Variants in TMEM39B observed in about 807,000 individuals in gnomAD.
TMEM39B encodes the protein transmembrane protein 39B.
TMEM39B carries 23 observed loss-of-function variants against 52.2 expected under a neutral mutation model. The observed-to-expected ratio is 0.44, with a 90% CI of 0.32 to 0.62. The LOEUF (loss-of-function observed/expected upper bound fraction) is 0.62, where lower values mean the gene tolerates loss of function less well. Ranked by LOEUF, TMEM39B falls within the 20% of genes least tolerant of loss-of-function variation. The pLI is 0.06. For synonymous variants in TMEM39B, 285 were observed against 264.0 expected, an observed-to-expected ratio of 1.08 and a Z score of -0.77; for missense variants, 547 against 642.0, an observed-to-expected ratio of 0.85 and a Z score of 1.60.
At chr1:32,100,025 C>T (rs1197089445) in intron 7 of TMEM39B, among the ~76,000 whole-genome samples, 3 of 151,358 alleles carry the variant, frequency 2.0e-5, no homozygotes, top group East Asian at 1.9e-4. Flanking sequence ...CCAGTCTGGG[C>T]GACAAGATCG....
chr1:32,077,461 C>T, intron 5 of TMEM39B, 143 bp downstream of exon 5: 1 of 1,081,448 alleles, frequency 9.2e-7, no homozygotes, highest in Non-Finnish European at 1.3e-6. Flanking sequence ...ATGACACTCA[C>T]TCACTGAGGT....
At chr1:32,082,129 G>C (rs1466343874) in intron 5 of TMEM39B, among the ~76,000 whole-genome samples, 1 of 151,726 alleles carries the variant, frequency 6.6e-6, no homozygotes, top group African/African-American at 2.4e-5. Flanking sequence ...ATCAACAATA[G>C]TATCTTGAAT....
chr1:32,093,905 G>A (rs1640707757), intron 6 of TMEM39B, among the ~76,000 whole-genome samples: 1 of 151,668 alleles, frequency 6.6e-6, no homozygotes, highest in Non-Finnish European at 1.5e-5. Context: ...TGCAAGCTCC[G>A]CCTCCCGGGT....
upstream of TMEM39B, chr1:32,072,032 T>C (rs1160145533): frequency 1.3e-5 from 2 of 152,270 alleles, no homozygotes; most frequent in African/African-American, 4.8e-5. Context: ...CTTCACACCA[T>C]TCCCATCTAA....
intron 5 of TMEM39B, among the ~76,000 whole-genome samples, chr1:32,090,145 T>C (rs1002025383): frequency 6.6e-6 from 1 of 152,014 alleles, no homozygotes; most frequent in African/African-American, 2.4e-5. Flanking sequence ...GGCCCCAAGC[T>C]GAAAAAGGGA....
At chr1:32,073,619 T>G in intron 1 of TMEM39B, 1 of 987,536 alleles carries the variant, frequency 1.0e-6, no homozygotes. Flanking sequence ...GGGCAGAGCT[T>G]CTGGACTGGA....
At chr1:32,093,844 A>T (rs1640705486) in intron 6 of TMEM39B, among the ~76,000 whole-genome samples, 1 of 145,658 alleles carries the variant, frequency 6.9e-6, no homozygotes, top group African/African-American at 2.5e-5. Flanking sequence ...TTTGAGACAG[A>T]GTCTCGCTCT....
intron 5 of TMEM39B, among the ~76,000 whole-genome samples, chr1:32,081,008 C>A (rs1472123882): frequency 6.6e-6 from 1 of 151,772 alleles, no homozygotes; most frequent in African/African-American, 2.4e-5. Context: ...TCAGCGTGGA[C>A]AACAGAGTGA....
chr1:32,081,137 G>C (rs1369550462), intron 5 of TMEM39B, among the ~76,000 whole-genome samples: 1 of 151,946 alleles, frequency 6.6e-6, no homozygotes, highest in Non-Finnish European at 1.5e-5. Context: ...CCCGCCTCCA[G>C]ATTTTTAGTC....
chr1:32,074,676 T>C (rs1347745505), intron 1 of TMEM39B, among the ~76,000 whole-genome samples: 2 of 151,994 alleles, frequency 1.3e-5, no homozygotes, highest in African/African-American at 2.4e-5. Context: ...GCTTTCCAGA[T>C]AGGATATTAT....
intron 7 of TMEM39B, among the ~76,000 whole-genome samples, chr1:32,097,613 G>A (rs764231735): frequency 1.2e-4 from 18 of 151,880 alleles, no homozygotes; most frequent in Non-Finnish European, 8.8e-5. Context: ...GATTATAGGC[G>A]TGAGCTGTTG....
chr1:32,099,250 C>T (rs1640928271), intron 7 of TMEM39B, among the ~76,000 whole-genome samples: 1 of 149,506 alleles, frequency 6.7e-6, no homozygotes, highest in South Asian at 2.1e-4. Flanking sequence ...AAAAAACACT[C>T]ATAGGTTGGA....
chr1:32,082,523 C>T (rs1487409763), intron 5 of TMEM39B, among the ~76,000 whole-genome samples: 1 of 151,914 alleles, frequency 6.6e-6, no homozygotes, highest in Non-Finnish European at 1.5e-5. Context: ...GTCACAATCT[C>T]AGCTCACTGC....
intron 1 of TMEM39B, chr1:32,073,818 A>G (rs1639740472): frequency 2.0e-6 from 2 of 985,266 alleles, no homozygotes; most frequent in Non-Finnish European, 2.4e-6. Context: ...TTCCGAGCTG[A>G]GATGCTACGG....
intron 5 of TMEM39B, among the ~76,000 whole-genome samples, chr1:32,080,674 C>CAAA (rs947127249): frequency 7.7e-5 from 4 of 51,666 alleles, no homozygotes; most frequent in South Asian, 6.0e-4. Flanking sequence ...GACTCTGTCT[C>CAAA]AAAAAAAAAA....
Position 32,079,888 on chromosome 1 carries a change from G to A in TMEM39B, c.590+2570G>A, listed in dbSNP as rs537142409. ...GGGTTCAAGCAGTTCTCCTGCCTCA[G>A]CCTCCCAAGTAGCTGAGACTACAGG... On this transcript the variant is annotated intron_variant, in intron 5 of 8. Coordinates refer to ENST00000336294, the MANE Select transcript of TMEM39B (RefSeq NM_018056.4). Among the ~76,000 whole-genome samples the A allele has an allele frequency of 5.9e-5, 9 of 151,948 alleles. No homozygotes were observed. The East Asian group carries it at 1.5e-3, about 26-fold the overall frequency.
chr1:32,072,866 C>T (rs557596773), upstream of TMEM39B: 1 of 734,756 alleles, frequency 1.4e-6, no homozygotes, highest in East Asian at 3.3e-5. Context: ...CCGGGCGGCC[C>T]CTTTAAGAAG....
At chr1:32,100,908 G>A (rs1640997591) in intron 8 of TMEM39B, among the ~76,000 whole-genome samples, 1 of 152,126 alleles carries the variant, frequency 6.6e-6, no homozygotes, top group Non-Finnish European at 1.5e-5. Flanking sequence ...GCGGGCGCCT[G>A]TAATCCCAGC....
At chr1:32,096,842 T>C (rs889980027) in intron 7 of TMEM39B, among the ~76,000 whole-genome samples, 11 of 151,260 alleles carry the variant, frequency 7.3e-5, no homozygotes, top group Admixed American at 1.3e-4. Flanking sequence ...TCCCACTCTG[T>C]CTCCCAGGCT....
Sources: gnomAD v4.1 joint callset for allele counts (sites outside exome capture counted in the v4.1 genomes callset) on GRCh38, gnomAD v4.1.1 for gene constraint, MANE v1.5 for transcripts, NCBI Gene and HGNC (gene_info 2026-07-23, HGNC 2026-07-21) for gene names.